ASTN2: variants seen among roughly 807,000 people sequenced by gnomAD.
ASTN2 encodes astrotactin-2.
Under a neutral mutation model 139.8 loss-of-function variants are expected in ASTN2, and 54 were observed. The ratio of observed to expected loss-of-function variants is 0.39; its 90% confidence interval spans 0.31 to 0.48. The LOEUF is 0.48. Ranked by LOEUF, ASTN2 falls within the 20% of genes least tolerant of loss-of-function variation. The probability of loss-of-function intolerance (pLI) is 0.95; values close to 1 mark genes in which losing one functional copy is unlikely to be tolerated. For missense variants in ASTN2, 1,565 were observed against 1,725.1 expected (o/e 0.91, Z 1.64); for synonymous variants, 756 against 719.5 (o/e 1.05, Z -0.81).
chr9:117,261,820 A>T (rs937912861), intron 2 of ASTN2, among the ~76,000 whole-genome samples: 10 of 152,280 alleles, frequency 6.6e-5, no homozygotes, highest in Non-Finnish European at 1.5e-4. Context: ...GAGCAGTCTC[A>T]TACCTTTTGC....
At chr9:116,475,260 T>G (rs551427374) in intron 20 of ASTN2, among the ~76,000 whole-genome samples, 1 of 152,336 alleles carries the variant, frequency 6.6e-6, no homozygotes, top group South Asian at 2.1e-4. Flanking sequence ...GAACTAAGTA[T>G]TCTCTGTGCC....
intron 3 of ASTN2, among the ~76,000 whole-genome samples, chr9:117,203,313 CCCA>C (rs1297134702): frequency 2.0e-5 from 3 of 151,980 alleles, no homozygotes; most frequent in Non-Finnish European, 4.4e-5. Flanking sequence ...TTTTTTATTA[CCCA>C]TCTTCTGAAG....
At position 117,170,415 on chromosome 9, in the gene ASTN2, A is replaced by G. The variant is rs562042559; in HGVS notation, c.1016-28937T>C. Among the ~76,000 whole-genome samples, 22 of 152,284 alleles carry G rather than the reference A, an allele frequency of 1.4e-4. No individual in the cohort carries two copies. In the South Asian group the frequency reaches 3.9e-3, roughly 27 times the overall value. The stretch of plus-strand genomic sequence containing the variant: ...GATTGAGCACCTGCTAGGTGACAAC[A>G]CTGATGAAGGCACTAGGGATTCAAT... On this transcript the variant is annotated intron_variant, in intron 3 of 22. Coordinates refer to ENST00000313400, the MANE Select transcript of ASTN2 (RefSeq NM_001365068.1).
intron 5 of ASTN2, among the ~76,000 whole-genome samples, chr9:117,055,062 C>A (rs907321364): frequency 2.0e-5 from 3 of 152,180 alleles, no homozygotes; most frequent in Non-Finnish European, 4.4e-5. Context: ...CCACCGCTCA[C>A]CTTCTGCTAT....
Position 117,084,438 on chromosome 9 carries a change from G to A in ASTN2, c.1276+11606C>T, listed in dbSNP as rs183753297. On this transcript the variant is annotated intron_variant, in intron 5 of 22. Coordinates refer to ENST00000313400, the MANE Select transcript of ASTN2 (RefSeq NM_001365068.1). ...AAAGTTCTCTTAGGGGACAGTTCTGGGGGATTGTGACCATGAACAGTCTTT... is the reference window on the plus strand; with the variant it reads ...AAAGTTCTCTTAGGGGACAGTTCTGAGGGATTGTGACCATGAACAGTCTTT... Among the ~76,000 whole-genome samples the A allele has an allele frequency of 1.9e-3, 296 of 152,280 alleles. 4 individuals carry two copies. The highest frequency in any genetic ancestry group is 4.6e-4 in the Non-Finnish European group (31 of 68,026).
chr9:116,782,481 C>T (rs920444246), intron 13 of ASTN2, among the ~76,000 whole-genome samples: 3 of 152,174 alleles, frequency 2.0e-5, no homozygotes, highest in African/African-American at 7.2e-5. Flanking sequence ...CTGGCCCAAC[C>T]TAAGAGTGCA....
intron 5 of ASTN2, among the ~76,000 whole-genome samples, chr9:117,088,358 T>G (rs956256780): frequency 2.6e-5 from 4 of 152,182 alleles, no homozygotes; most frequent in Admixed American, 2.6e-4. Context: ...CAGCTTTCAC[T>G]TCATCCCATT....
chr9:116,556,176 G>A (rs1852604331), intron 19 of ASTN2, among the ~76,000 whole-genome samples: 1 of 152,226 alleles, frequency 6.6e-6, no homozygotes, highest in African/African-American at 2.4e-5. Context: ...CACGAGGAGT[G>A]CTCTGAGTTG....
chr9:116,447,990 A>C (rs1848054016), intron 20 of ASTN2, among the ~76,000 whole-genome samples: 1 of 152,084 alleles, frequency 6.6e-6, no homozygotes, highest in Non-Finnish European at 1.5e-5. Flanking sequence ...TGGCAGTGAG[A>C]GCTTCTCACA....
intron 11 of ASTN2, among the ~76,000 whole-genome samples, chr9:116,844,452 G>A (rs1832364231): frequency 6.6e-6 from 1 of 152,276 alleles, no homozygotes; most frequent in Middle Eastern, 3.4e-3. Context: ...TGTGGCCTTT[G>A]GGGTCAAGCA....
intron 16 of ASTN2, chr9:116,687,373 G>A: frequency 1.9e-6 from 1 of 539,166 alleles, no homozygotes; most frequent in Non-Finnish European, 2.4e-6. Context: ...CGGAGCCGCG[G>A]GCGGTCAGGT....
At chr9:117,345,801 C>T (rs764039149) in intron 1 of ASTN2, among the ~76,000 whole-genome samples, 1 of 152,060 alleles carries the variant, frequency 6.6e-6, no homozygotes, top group Non-Finnish European at 1.5e-5. Flanking sequence ...ATACACTTCC[C>T]TAGTCCACTT....
At chr9:116,897,492 T>C (rs1260986740) in intron 10 of ASTN2, among the ~76,000 whole-genome samples, 1 of 152,230 alleles carries the variant, frequency 6.6e-6, no homozygotes, top group Non-Finnish European at 1.5e-5. Context: ...CTGTGAGCTT[T>C]TCAAGTGCTT....
intron 1 of ASTN2, among the ~76,000 whole-genome samples, chr9:117,371,388 C>A (rs769519890): frequency 6.6e-6 from 1 of 152,144 alleles, no homozygotes; most frequent in Non-Finnish European, 1.5e-5. Context: ...CTAATCCAAG[C>A]AAAACTTGAA....
At position 116,611,488 on chromosome 9, in the gene ASTN2, A is replaced by G. The variant is rs558749646; in HGVS notation, c.3355+6836T>C. 3.3e-5 allele frequency: 5 copies of G among 152,262 alleles called. No homozygotes were observed. In the East Asian group the frequency reaches 9.6e-4, roughly 29 times the overall value. 9.4% of individuals were successfully genotyped at this position (152,262 alleles called of 1,614,324 possible). Reference sequence around the variant, plus strand: ...CGAAAGTTGATTCTTTGAAAATACAAATAAATGTCATAGCTATCTAGCCAA... The same window carrying G: ...CGAAAGTTGATTCTTTGAAAATACAGATAAATGTCATAGCTATCTAGCCAA... On this transcript the variant is annotated intron_variant, in intron 19 of 22. Coordinates refer to ENST00000313400, the MANE Select transcript of ASTN2 (RefSeq NM_001365068.1).
At chr9:117,056,910 T>C (rs1404330660) in intron 5 of ASTN2, among the ~76,000 whole-genome samples, 1 of 152,218 alleles carries the variant, frequency 6.6e-6, no homozygotes, top group Non-Finnish European at 1.5e-5. Context: ...AGAATGCTGA[T>C]ACAAGGAATC....
At chr9:116,735,118 G>T (rs1163751601) in intron 13 of ASTN2, among the ~76,000 whole-genome samples, 1 of 152,188 alleles carries the variant, frequency 6.6e-6, no homozygotes, top group Non-Finnish European at 1.5e-5. Context: ...ACGAACCCAG[G>T]TCTGGTTGGG....
intron 19 of ASTN2, among the ~76,000 whole-genome samples, chr9:116,534,429 C>G (rs1312050609): frequency 3.3e-5 from 5 of 152,068 alleles, no homozygotes; most frequent in Non-Finnish European, 7.4e-5. Flanking sequence ...GCTCTTGCTT[C>G]TCTAGTTCTT....
chr9:116,939,832 C>T (rs535558853), intron 10 of ASTN2, among the ~76,000 whole-genome samples: 7 of 152,218 alleles, frequency 4.6e-5, no homozygotes, highest in South Asian at 4.2e-4. Context: ...TGCATGATGA[C>T]GTTTCCGTCA....
Sources: allele counts gnomAD v4.1 joint callset (sites outside exome capture counted in the v4.1 genomes callset), GRCh38; gene constraint gnomAD v4.1.1; transcripts MANE v1.5; gene names NCBI Gene and HGNC (gene_info 2026-07-23, HGNC 2026-07-21).